THADA: variants seen among roughly 807,000 people sequenced by gnomAD.
THADA encodes THADA armadillo repeat containing.
In THADA, 213 loss-of-function variants were observed where a neutral mutation model predicts 219.8. That is an observed-to-expected ratio of 0.97 (90% CI 0.87 to 1.09). The LOEUF is 1.09. Among genes scored for constraint, THADA ranks in the 50% least tolerant of loss-of-function variants. The pLI is 0.00. For synonymous variants in THADA, 1,018 were observed against 828.9 expected (o/e 1.23, Z -3.92); for missense variants, 2,956 against 2,311.3 (o/e 1.28, Z -5.72).
At position 43,539,556 on chromosome 2, in the gene THADA, G is replaced by A. The variant is rs542910284; in HGVS notation, c.3264+1603C>T. The stretch of plus-strand genomic sequence containing the variant: ...AATACGAAGAATCAAGTTTTTCATA[G>A]GGGACGGGGTTCCAGTGTTAGAACA... On this transcript the variant is annotated intron_variant, in intron 21 of 37. Transcript: ENST00000405975. Among the ~76,000 whole-genome samples, 3 of 152,252 alleles carry A rather than the reference G, an allele frequency of 2.0e-5. No individual in the cohort carries two copies. In the East Asian group the frequency reaches 5.8e-4, roughly 29 times the overall value.
intron 30 of THADA, among the ~76,000 whole-genome samples, chr2:43,327,885 TG>T (rs1483108251): frequency 2.6e-5 from 4 of 152,176 alleles, no homozygotes; most frequent in Non-Finnish European, 5.9e-5. Flanking sequence ...GATATTTTGT[TG>T]AGCTTCCCCT....
intron 26 of THADA, among the ~76,000 whole-genome samples, chr2:43,438,794 C>T (rs900161313): frequency 6.6e-6 from 1 of 152,128 alleles, no homozygotes; most frequent in Non-Finnish European, 1.5e-5. Context: ...ATGCTTTTTC[C>T]TGTACATACG....
intron 30 of THADA, among the ~76,000 whole-genome samples, chr2:43,339,751 G>C: frequency 6.6e-6 from 1 of 152,002 alleles, no homozygotes; most frequent in East Asian, 1.9e-4. Context: ...ACAACTCTTA[G>C]CCAAAGTAAA....
chr2:43,347,077 ATCTGATGG>A (rs1667706994), intron 29 of THADA, among the ~76,000 whole-genome samples: 1 of 152,102 alleles, frequency 6.6e-6, no homozygotes, highest in African/African-American at 2.4e-5. Context: ...TGGATGCCTC[ATCTGATGG>A]TGGAGGCAGG....
intron 26 of THADA, among the ~76,000 whole-genome samples, chr2:43,433,656 T>TTGTGTG (rs960871213): frequency 1.3e-5 from 2 of 151,438 alleles, no homozygotes; most frequent in Non-Finnish European, 2.9e-5. Context: ...AAAACAGTAA[T>TTGTGTG]TGTGTGTGTG....
chr2:43,566,230 G>A (rs1698663889), intron 15 of THADA: 1 of 448,704 alleles, frequency 2.2e-6, no homozygotes, highest in Admixed American at 4.1e-5. Context: ...CAGAATACTT[G>A]GAAATTACAT....
At chr2:43,487,274 C>T (rs1189192414) in intron 25 of THADA, among the ~76,000 whole-genome samples, 1 of 152,102 alleles carries the variant, frequency 6.6e-6, no homozygotes, top group East Asian at 1.9e-4. Flanking sequence ...TCTCAGAAAT[C>T]ACACAAAAAC....
rs139338703 is a variant in THADA at position 43,583,811 on chromosome 2, G to C, written c.534-1883C>G. Among the ~76,000 whole-genome samples the C allele has an allele frequency of 2.7e-3, 418 of 152,180 alleles. 6 individuals are homozygous for C. In the East Asian group the frequency reaches 0.029, roughly 10 times the overall value. On this transcript the variant is annotated intron_variant, in intron 7 of 37. Transcript: ENST00000405975. Reference sequence around the variant, plus strand: ...TAATCCCAGCACTTTGGGGGACTGGGGCAGGGGGACTGCTTGCGCTTAAGA... The same window carrying C: ...TAATCCCAGCACTTTGGGGGACTGGCGCAGGGGGACTGCTTGCGCTTAAGA...
At chr2:43,280,029 T>A in intron 35 of THADA, 133 bp from the exon 36 acceptor site, 1 of 931,044 alleles carries the variant, frequency 1.1e-6, no homozygotes, top group Non-Finnish European at 1.5e-6. Context: ...TGGGTATTGT[T>A]AAGATAGAAA....
At chr2:43,539,606 G>A (rs1450344656) in intron 21 of THADA, among the ~76,000 whole-genome samples, 4 of 152,238 alleles carry the variant, frequency 2.6e-5, no homozygotes, top group Middle Eastern at 6.8e-3. Context: ...ACAGTTCATC[G>A]CTCATTCAGT....
chr2:43,452,142 T>C (rs867518722), intron 26 of THADA, among the ~76,000 whole-genome samples: 4 of 152,074 alleles, frequency 2.6e-5, no homozygotes, highest in Non-Finnish European at 5.9e-5. Context: ...TGCCCAACAA[T>C]TCCTCTTTCA....
At chr2:43,415,643 G>A (rs185439635) in intron 28 of THADA, among the ~76,000 whole-genome samples, 2 of 152,252 alleles carry the variant, frequency 1.3e-5, no homozygotes, top group Non-Finnish European at 2.9e-5. Flanking sequence ...AAAATCTAGA[G>A]CCTGGGGCTT....
rs113260410 is a variant in THADA, at chr2:43,258,678, T to C, written c.5296+21087A>G. 8.3e-4 allele frequency among the ~76,000 whole-genome samples: 127 copies of C among 152,308 alleles called. No homozygotes were observed. The Middle Eastern group carries it at 0.01, about 12-fold the overall frequency. ...TGGACGACCTCAATGACCAGGCCAA[T>C]ATTTACACTGAGGGCCAGGGGGAAA... On this transcript the variant is annotated intron_variant, in intron 36 of 37. Coordinates refer to ENST00000405975, the MANE Select transcript of THADA (RefSeq NM_022065.5).
chr2:43,535,171 T>C (rs1694401384), intron 21 of THADA, among the ~76,000 whole-genome samples: 1 of 117,438 alleles, frequency 8.5e-6, no homozygotes, highest in African/African-American at 3.3e-5. Flanking sequence ...ATTTGTCCTT[T>C]TTTTTTTTTT....
At chr2:43,485,974 G>T (rs1011703524) in intron 25 of THADA, among the ~76,000 whole-genome samples, 1 of 151,838 alleles carries the variant, frequency 6.6e-6, no homozygotes, top group African/African-American at 2.4e-5. Flanking sequence ...GTCCCAGGTA[G>T]TCAGAAGGCT....
chr2:43,518,957 C>A (rs1182960527), intron 22 of THADA, among the ~76,000 whole-genome samples: 1 of 152,040 alleles, frequency 6.6e-6, no homozygotes, highest in Non-Finnish European at 1.5e-5. Context: ...TGCTATCCCG[C>A]TAGGCAGCCT....
intron 30 of THADA, among the ~76,000 whole-genome samples, chr2:43,326,534 TC>T (rs1238744678): frequency 6.6e-6 from 1 of 152,122 alleles, no homozygotes; most frequent in African/African-American, 2.4e-5. Context: ...AAGAAGTACC[TC>T]CTAACTCCTA....
rs374213349 is a variant in THADA, at chr2:43,551,817, T to C, written c.2919A>G (p.Glu973=). Reference sequence around the variant, plus strand: ...AATCAGTGTCCATTGGGATGAGGCCTTCAGGGGATGAGCTCTGAATGACTG... The same window carrying C: ...AATCAGTGTCCATTGGGATGAGGCCCTCAGGGGATGAGCTCTGAATGACTG... ...VSPVIQSSSP[E]GLIPMDTDSE... Residue 973 remains glutamate, a synonymous_variant, in exon 19 of 38, where the codon GAA becomes GAG. Transcript: ENST00000405975. The C allele has an allele frequency of 3.3e-4, 529 of 1,613,642 alleles. 1 individual carries two copies. In the African/African-American group the frequency reaches 6.3e-3, roughly 19 times the overall value.
intron 35 of THADA, among the ~76,000 whole-genome samples, chr2:43,282,808 CATT>C (rs2104325104): frequency 6.6e-6 from 1 of 152,362 alleles, no homozygotes; most frequent in South Asian, 2.1e-4. Flanking sequence ...TCTTATACAT[CATT>C]GACATGCTGC....
Sources: allele counts gnomAD v4.1 joint callset (sites outside exome capture counted in the v4.1 genomes callset), GRCh38; gene constraint gnomAD v4.1.1; transcripts MANE v1.5; gene names NCBI Gene and HGNC (gene_info 2026-07-23, HGNC 2026-07-21).